The following ADAM23 variants were observed in gnomAD, a reference collection of about 807,000 sequenced individuals.
The protein encoded by ADAM23 is ADAM metallopeptidase domain 23.
In ADAM23, 33 loss-of-function variants were observed where a neutral mutation model predicts 120.1. The ratio of observed to expected loss-of-function variants is 0.27; its 90% confidence interval spans 0.21 to 0.37. The LOEUF (loss-of-function observed/expected upper bound fraction) is 0.37. ADAM23 is among the 10% of genes least tolerant of loss of function. The pLI is 1.00. For synonymous variants in ADAM23, 367 were observed against 375.2 expected, an observed-to-expected ratio of 0.98 and a Z score of 0.25; for missense variants, 862 against 1,058.2, an observed-to-expected ratio of 0.81 and a Z score of 2.57.
intron 14 of ADAM23, among the ~76,000 whole-genome samples, chr2:206,565,285 ACTT>A (rs1271842450): frequency 6.6e-6 from 1 of 152,124 alleles, no homozygotes; most frequent in African/African-American, 2.4e-5. Context: ...ATTACCTTCT[ACTT>A]CTTATTAACC....
chr2:206,537,077 AG>A lies in ADAM23; in HGVS notation c.574-4973del. On this transcript the variant is annotated intron_variant, in intron 4 of 25. Coordinates refer to ENST00000264377, the MANE Select transcript of ADAM23 (RefSeq NM_003812.4). ...TTTACCTTGTACTGTGACCTTTTTG[AG>A]GTCATAGTTCCTGTTCTAGGTACTA... 3.9e-5 allele frequency among the ~76,000 whole-genome samples: 6 copies of A among 152,252 alleles called. 1 individual carries two copies. In the South Asian group the frequency reaches 1.2e-3, roughly 32 times the overall value.
intron 10 of ADAM23, among the ~76,000 whole-genome samples, chr2:206,559,221 G>A (rs966291632): frequency 7.9e-5 from 12 of 152,180 alleles, no homozygotes; most frequent in Admixed American, 5.9e-4. Context: ...TGGGATTACA[G>A]GCGTGAGCTA....
Position 206,617,953 on chromosome 2 carries a change from TA to T in ADAM23, c.*334del, listed in dbSNP as rs993905916. 9.8e-5 allele frequency: 23 copies of T among 233,804 alleles called. No individual in the cohort carries two copies. Among genetic ancestry groups the T allele is most frequent in the South Asian group, 1.6e-4 (1 of 6,194 alleles). The allele number at this position is 233,804 out of a possible 1,614,324, so 14.5% of individuals were successfully genotyped here. On this transcript the variant is annotated 3_prime_UTR_variant, in exon 26 of 26. Transcript: ENST00000264377. ...AAATTAAATGCAATAAAGGAATCAT[TA>T]AAAAAAATAGTAAATGATTTTTTTT...
At chr2:206,561,081 T>C (rs759116229) in intron 11 of ADAM23, 47 bp from the exon 12 acceptor site, 1 of 1,542,480 alleles carries the variant, frequency 6.5e-7, no homozygotes, top group South Asian at 1.1e-5. Flanking sequence ...GAGTATGAAA[T>C]GATGGTCCAC....
intron 5 of ADAM23, 54 bp from the exon 6 acceptor site, chr2:206,543,199 T>C: frequency 6.7e-7 from 1 of 1,491,364 alleles, no homozygotes; most frequent in Non-Finnish European, 9.3e-7. Context: ...TGCTATTTCT[T>C]GCCATTTCCT....
intron 24 of ADAM23, among the ~76,000 whole-genome samples, chr2:206,601,090 C>A (rs1698632475): frequency 6.6e-6 from 1 of 152,294 alleles, no homozygotes; most frequent in Non-Finnish European, 1.5e-5. Flanking sequence ...CAGGGAGACC[C>A]ACATCAAGTA....
At position 206,550,162 on chromosome 2, in the gene ADAM23, TA is replaced by T; in HGVS notation, c.933+4del. On this transcript the variant is annotated splice_donor_region_variant and intron_variant, in intron 9 of 25. Coordinates refer to ENST00000264377, the MANE Select transcript of ADAM23 (RefSeq NM_003812.4). Reference sequence around the variant, plus strand: ...ATGATTGTTAATGATCACAAAACGGTAAGAATATAGAGTCAGTGGGTTTTAG... The same window carrying T: ...ATGATTGTTAATGATCACAAAACGGTAGAATATAGAGTCAGTGGGTTTTAG... 6.4e-7 allele frequency: 1 copy of T among 1,558,942 alleles called. No homozygotes were observed. Among genetic ancestry groups the T allele is most frequent in the Non-Finnish European group, 8.8e-7 (1 of 1,134,188 alleles).
intron 2 of ADAM23, among the ~76,000 whole-genome samples, chr2:206,471,950 A>G (rs1695668298): frequency 6.6e-6 from 1 of 152,234 alleles, no homozygotes; most frequent in Admixed American, 6.5e-5. Context: ...TTTAAATAGC[A>G]AGTGCTCCAA....
chr2:206,498,442 A>G (rs544067851), intron 3 of ADAM23, among the ~76,000 whole-genome samples: 6 of 152,184 alleles, frequency 3.9e-5, no homozygotes, highest in Admixed American at 6.5e-5. Context: ...AAAACTGGCT[A>G]CCCATATGTA....
At chr2:206,548,017 T>G in intron 7 of ADAM23, among the ~76,000 whole-genome samples, 1 of 152,226 alleles carries the variant, frequency 6.6e-6, no homozygotes, top group East Asian at 1.9e-4. Context: ...TCTGTCAAAT[T>G]TTCAGATATT....
At chr2:206,530,630 A>G (rs1297572915) in intron 3 of ADAM23, among the ~76,000 whole-genome samples, 3 of 150,948 alleles carry the variant, frequency 2.0e-5, no homozygotes, top group Admixed American at 2.0e-4. Flanking sequence ...AGAAAAAAAA[A>G]AAAAAAAAGA....
chr2:206,477,112 TAC>T (rs1695790565), intron 2 of ADAM23, among the ~76,000 whole-genome samples: 1 of 152,302 alleles, frequency 6.6e-6, no homozygotes, highest in Admixed American at 6.5e-5. Flanking sequence ...TAATGTACCC[TAC>T]ACAGAGTTGA....
At chr2:206,456,559 G>A (rs1352640977) in intron 2 of ADAM23, among the ~76,000 whole-genome samples, 3 of 152,110 alleles carry the variant, frequency 2.0e-5, no homozygotes, top group African/African-American at 7.2e-5. Flanking sequence ...TTGCATGCAG[G>A]CACAGAGCCA....
intron 15 of ADAM23, 77 bp from the exon 16 acceptor site, chr2:206,570,663 T>C: frequency 9.0e-7 from 1 of 1,107,278 alleles, no homozygotes; most frequent in Non-Finnish European, 1.4e-6. Context: ...ATACGGCCAT[T>C]GTATGTGGCC....
rs561299657 is a variant in ADAM23, at chr2:206,553,268, T to A, written c.933+3108T>A. On this transcript the variant is annotated intron_variant, in intron 9 of 25. Transcript: ENST00000264377. ...ACACATATACATACACATATACATA[T>A]ACAAAAAAAATTAAAAAATTAGCCG... is the stretch of plus-strand genomic sequence containing the variant. Among the ~76,000 whole-genome samples, 20 of 151,860 alleles carry A rather than the reference T, an allele frequency of 1.3e-4. No homozygotes were observed. In the East Asian group the frequency reaches 3.7e-3, roughly 28 times the overall value.
intron 2 of ADAM23, among the ~76,000 whole-genome samples, chr2:206,477,128 T>C (rs1407149795): frequency 1.3e-5 from 2 of 152,176 alleles, no homozygotes; most frequent in Non-Finnish European, 2.9e-5. Context: ...GAGTTGAGCA[T>C]GTATGATTGC....
rs370435233 is a variant in ADAM23, at chr2:206,617,521, G to T, written c.2451-58G>T. On this transcript the variant is annotated intron_variant, in intron 25 of 25. Transcript: ENST00000264377. The stretch of plus-strand genomic sequence containing the variant: ...CATCACCATTCTGTCATCATCATCT[G>T]ATTAATATTGTGGATTTTCCCCCTC... 35 of 1,541,696 alleles carry T rather than the reference G, an allele frequency of 2.3e-5. No homozygotes were observed. The African/African-American group carries it at 4.4e-4, about 19-fold the overall frequency.
intron 3 of ADAM23, among the ~76,000 whole-genome samples, chr2:206,501,335 A>C (rs1696382719): frequency 6.6e-6 from 1 of 151,956 alleles, no homozygotes; most frequent in Admixed American, 6.6e-5. Flanking sequence ...GATTGCTATC[A>C]AGTACTTTTT....
At chr2:206,467,882 C>A (rs138632677) in intron 2 of ADAM23, among the ~76,000 whole-genome samples, 2 of 152,168 alleles carry the variant, frequency 1.3e-5, no homozygotes, top group African/African-American at 4.8e-5. Context: ...ATATTCTGTG[C>A]ACCGGCAGGC....
Sources: allele counts gnomAD v4.1 joint callset (sites outside exome capture counted in the v4.1 genomes callset), GRCh38; gene constraint gnomAD v4.1.1; transcripts MANE v1.5; gene names NCBI Gene and HGNC (gene_info 2026-07-23, HGNC 2026-07-21).